The following RBFOX3 variants were observed in gnomAD, a reference collection of about 807,000 sequenced individuals.
RBFOX3 encodes the protein RNA binding protein fox-1 homolog 3.
A neutral mutation model predicts 48.7 loss-of-function variants in RBFOX3; 17 were observed. The observed-to-expected ratio is 0.35, with a 90% CI of 0.24 to 0.52. The LOEUF (loss-of-function observed/expected upper bound fraction) is 0.52, where lower values mean the gene tolerates loss of function less well. Ranked by LOEUF, RBFOX3 falls within the 20% of genes least tolerant of loss-of-function variation. The pLI, the probability that RBFOX3 is intolerant of heterozygous loss-of-function variation, is 0.94. For synonymous variants in RBFOX3, 212 were observed against 209.5 expected, an observed-to-expected ratio of 1.01 and a Z score of -0.10; for missense variants, 382 against 497.5, an observed-to-expected ratio of 0.77 and a Z score of 2.21.
At chr17:79,644,475 T>A in the RBFOX3 span, among the ~76,000 whole-genome samples, 1 of 152,196 alleles carries the variant, frequency 6.6e-6, no homozygotes, top group African/African-American at 2.4e-5. Context: ...ATCTCAGCAA[T>A]GCAAGGTCTT....
intron 2 of RBFOX3, among the ~76,000 whole-genome samples, chr17:79,433,881 G>A (rs1251053093): frequency 6.6e-6 from 1 of 152,218 alleles, no homozygotes; most frequent in Non-Finnish European, 1.5e-5. Flanking sequence ...CGGTCAATCA[G>A]TACCTAACCT....
At chr17:79,309,565 C>T (rs1455628682) in intron 2 of RBFOX3, among the ~76,000 whole-genome samples, 2 of 152,176 alleles carry the variant, frequency 1.3e-5, no homozygotes, top group African/African-American at 2.4e-5. Flanking sequence ...CCCCAACCAT[C>T]GTATGGGAAG....
intron 1 of RBFOX3, among the ~76,000 whole-genome samples, chr17:79,588,745 C>A (rs985881673): frequency 1.7e-4 from 25 of 146,188 alleles, no homozygotes; most frequent in African/African-American, 6.1e-4. Flanking sequence ...TGAGCTTGGA[C>A]CTGGGCCATA....
the RBFOX3 span, among the ~76,000 whole-genome samples, chr17:79,643,615 T>G: frequency 1.3e-5 from 2 of 152,144 alleles, no homozygotes; most frequent in South Asian, 4.1e-4. Context: ...GGAACTAAAT[T>G]AAAAATTGAT....
At chr17:79,182,791 C>A (rs1466997606) in intron 4 of RBFOX3, among the ~76,000 whole-genome samples, 1 of 151,706 alleles carries the variant, frequency 6.6e-6, no homozygotes, top group African/African-American at 2.4e-5. Flanking sequence ...GGAGGCCCGG[C>A]GCGCGGTCTG....
At chr17:79,223,704 C>T (rs980729887) in intron 4 of RBFOX3, among the ~76,000 whole-genome samples, 3 of 152,108 alleles carry the variant, frequency 2.0e-5, no homozygotes, top group East Asian at 1.9e-4. Flanking sequence ...AAAGAGGGGC[C>T]GGGGTGCAGG....
At chr17:79,225,103 A>C (rs756957718) in intron 4 of RBFOX3, among the ~76,000 whole-genome samples, 9 of 152,110 alleles carry the variant, frequency 5.9e-5, no homozygotes, top group Non-Finnish European at 1.0e-4. Context: ...TATGCAAAAC[A>C]TGCCCCTGCC....
At chr17:79,297,955 G>A (rs139462168) in intron 3 of RBFOX3, among the ~76,000 whole-genome samples, 167 of 152,354 alleles carry the variant, frequency 1.1e-3, no homozygotes, top group African/African-American at 3.2e-3. Flanking sequence ...AAGATGTAAC[G>A]GGTGGTAGTG....
intron 3 of RBFOX3, among the ~76,000 whole-genome samples, chr17:79,256,813 G>A (rs1347481340): frequency 6.6e-6 from 1 of 151,958 alleles, no homozygotes; most frequent in Non-Finnish European, 1.5e-5. Context: ...CTATCTACTC[G>A]TGGGGGGCTG....
intron 3 of RBFOX3, among the ~76,000 whole-genome samples, chr17:79,246,128 G>A (rs528858728): frequency 6.6e-6 from 1 of 151,988 alleles, no homozygotes; most frequent in East Asian, 1.9e-4. Context: ...ATCTGCTGAC[G>A]TGCTTCCGTC....
chr17:79,208,634 C>G (rs1382409227), intron 4 of RBFOX3: 2 of 123,534 alleles, frequency 1.6e-5, no homozygotes, highest in Non-Finnish European at 3.6e-5. Flanking sequence ...TGGTGGAGGC[C>G]CTTCCCGGGC....
chr17:79,642,319 A>G, the RBFOX3 span, among the ~76,000 whole-genome samples: 1 of 152,228 alleles, frequency 6.6e-6, no homozygotes, highest in Admixed American at 6.5e-5. Context: ...AGTTAATAAT[A>G]GTTGAAATTT....
At chr17:79,178,985 G>A (rs2051241144) in intron 4 of RBFOX3, among the ~76,000 whole-genome samples, 1 of 152,152 alleles carries the variant, frequency 6.6e-6, no homozygotes, top group African/African-American at 2.4e-5. Flanking sequence ...CCAGTGGTGG[G>A]ATACTCTCTA....
intron 1 of RBFOX3, among the ~76,000 whole-genome samples, chr17:79,533,594 C>T (rs773317174): frequency 8.5e-5 from 13 of 152,218 alleles, no homozygotes; most frequent in East Asian, 3.8e-4. Context: ...CAGGGTGCCC[C>T]GAGCATGAGG....
chr17:79,261,985 C>T (rs940431960), intron 3 of RBFOX3, among the ~76,000 whole-genome samples: 5 of 152,192 alleles, frequency 3.3e-5, no homozygotes, highest in South Asian at 2.1e-4. Flanking sequence ...TGCTGGGCAT[C>T]GGGATCCTTC....
At chr17:79,594,513 C>T (rs1246495999) in intron 1 of RBFOX3, among the ~76,000 whole-genome samples, 36 of 152,282 alleles carry the variant, frequency 2.4e-4, no homozygotes, top group Admixed American at 2.2e-3. Context: ...CAGGGCCACC[C>T]GGGGCCTAAA....
chr17:79,162,104 G>A (rs1247555170), intron 4 of RBFOX3, among the ~76,000 whole-genome samples: 1 of 152,210 alleles, frequency 6.6e-6, no homozygotes, highest in Non-Finnish European at 1.5e-5. Flanking sequence ...TCAGGGTAAT[G>A]TTCATGCTCC....
intron 4 of RBFOX3, among the ~76,000 whole-genome samples, chr17:79,167,233 G>C (rs1301602603): frequency 6.6e-6 from 1 of 152,210 alleles, no homozygotes; most frequent in African/African-American, 2.4e-5. Flanking sequence ...CCCAGGTACA[G>C]TGCCAGGCAC....
chr17:79,582,809 A>T lies in RBFOX3; in HGVS notation c.-320+28017T>A, dbSNP rs987784523. ...AAAAAAAAAAAAAAAAAAAAAAAAA[A>T]GGATGCAATTCCTGGAAGGACCTGA... On this transcript the variant is annotated intron_variant, in intron 1 of 14. Coordinates refer to ENST00000693108, the MANE Select transcript of RBFOX3 (RefSeq NM_001350451.2). Among the ~76,000 whole-genome samples, 8 of 148,404 alleles carry T rather than the reference A, an allele frequency of 5.4e-5. No individual in the cohort carries two copies. The East Asian group carries it at 1.2e-3, about 22-fold the overall frequency.
Sources: gnomAD v4.1 joint callset for allele counts (sites outside exome capture counted in the v4.1 genomes callset) on GRCh38, gnomAD v4.1.1 for gene constraint, MANE v1.5 for transcripts, NCBI Gene and HGNC (gene_info 2026-07-23, HGNC 2026-07-21) for gene names.